AIPL1: variants seen among roughly 807,000 people sequenced by gnomAD.
AIPL1 encodes AIP like 1 HSP90 co-chaperone.
AIPL1 carries 23 observed loss-of-function variants against 32.9 expected under a neutral mutation model. That is an observed-to-expected ratio of 0.70 (90% CI 0.50 to 0.99). AIPL1 has a LOEUF of 0.99. Among genes scored for constraint, AIPL1 ranks in the 50% least tolerant of loss-of-function variants. AIPL1 has a pLI of 0.00. For synonymous variants in AIPL1, 210 were observed against 209.4 expected, an observed-to-expected ratio of 1.00 and a Z score of -0.02; for missense variants, 485 against 506.0, an observed-to-expected ratio of 0.96 and a Z score of 0.40.
chr17:6,433,175 T>C (rs1016174642), intron 2 of AIPL1, among the ~76,000 whole-genome samples: 1 of 152,166 alleles, frequency 6.6e-6, no homozygotes, highest in African/African-American at 2.4e-5. Context: ...AGCTAACTTA[T>C]AGGAGTAATT....
intron 2 of AIPL1, among the ~76,000 whole-genome samples, chr17:6,432,106 C>T (rs532935799): frequency 2.2e-4 from 33 of 152,180 alleles, no homozygotes; most frequent in African/African-American, 4.8e-4. Context: ...AGAAGGAGGC[C>T]GAGCGTGGTG....
intron 5 of AIPL1, 162 bp from the exon 6 acceptor site, chr17:6,425,992 T>A: frequency 9.2e-7 from 1 of 1,090,928 alleles, no homozygotes; most frequent in Non-Finnish European, 1.3e-6. Flanking sequence ...AAGATGGAGA[T>A]GATGATCATA....
intron 1 of AIPL1, among the ~76,000 whole-genome samples, 197 bp from the exon 2 acceptor site, chr17:6,434,295 C>T (rs917211701): frequency 1.5e-4 from 23 of 151,882 alleles, no homozygotes; most frequent in Non-Finnish European, 4.4e-5. Context: ...TCCCTACAGA[C>T]CCCATTCCAC....
At chr17:6,430,779 GAT>G (rs1912524222) in intron 2 of AIPL1, among the ~76,000 whole-genome samples, 1 of 152,120 alleles carries the variant, frequency 6.6e-6, no homozygotes, top group African/African-American at 2.4e-5. Context: ...AAAGTCAATA[GAT>G]ATATTTTTAA....
chr17:6,434,785 TC>T (rs1913007121), intron 1 of AIPL1, among the ~76,000 whole-genome samples: 1 of 152,250 alleles, frequency 6.6e-6, no homozygotes, highest in Non-Finnish European at 1.5e-5. Flanking sequence ...CCCAGAAAAT[TC>T]CCAAAAGCCC....
intron 5 of AIPL1, 131 bp downstream of exon 5, chr17:6,426,484 A>G (rs2150676410): frequency 6.6e-7 from 1 of 1,514,852 alleles, no homozygotes; most frequent in East Asian, 2.5e-5. Flanking sequence ...ACTCGGGGAA[A>G]CCCGGCTGGG....
chr17:6,425,958 C>T (rs1016016125), intron 5 of AIPL1, 128 bp from the exon 6 acceptor site: 2 of 1,303,288 alleles, frequency 1.5e-6, no homozygotes, highest in Non-Finnish European at 2.1e-6. Flanking sequence ...TCTGTATCCC[C>T]CATCCCTCGG....
intron 2 of AIPL1, 42 bp downstream of exon 2, chr17:6,433,877 A>G (rs1912878100): frequency 6.2e-7 from 1 of 1,605,266 alleles, no homozygotes; most frequent in South Asian, 1.1e-5. Flanking sequence ...GTGAGCCCAG[A>G]AAAGACTAGT....
intron 2 of AIPL1, among the ~76,000 whole-genome samples, chr17:6,430,953 A>T (rs184929159): frequency 1.3e-5 from 2 of 151,910 alleles, no homozygotes; most frequent in Admixed American, 1.3e-4. Flanking sequence ...AATGGATAAC[A>T]TGTTGAGTGG....
Position 6,425,043 on chromosome 17 carries a change from A to T in AIPL1, c.*417T>A, listed in dbSNP as rs1291751640. The T allele has an allele frequency of 6.2e-6, 1 of 162,076 alleles. No individual in the cohort carries two copies. The highest frequency in any genetic ancestry group is 2.4e-5 in the African/African-American group (1 of 41,642). The allele number at this position is 162,076 out of a possible 1,614,324, so 10.0% of individuals were successfully genotyped here. A position where few individuals can be genotyped will look rare whatever the true frequency, so the allele number is the denominator to read the frequency against. ...TGTCCTGCGTAAAGTTACAAAAATC[A>T]CCGAGATGACCCCCAAATGTAACTA... On this transcript the variant is annotated 3_prime_UTR_variant, in exon 6 of 6. Transcript: ENST00000381129.
intron 2 of AIPL1, 123 bp from the exon 3 acceptor site, chr17:6,428,629 T>G (rs1912252738): frequency 2.4e-6 from 2 of 843,770 alleles, no homozygotes; most frequent in Non-Finnish European, 3.9e-6. Context: ...CCACTCATAC[T>G]AACTGTGGTT....
At chr17:6,425,923 C>G in intron 5 of AIPL1, 93 bp from the exon 6 acceptor site, 4 of 1,486,580 alleles carry the variant, frequency 2.7e-6, no homozygotes, top group Non-Finnish European at 3.6e-6. Context: ...CCAAGACCCT[C>G]AGCCCCGCCA....
chr17:6,433,695 G>A (rs550721002), intron 2 of AIPL1, among the ~76,000 whole-genome samples: 7 of 150,976 alleles, frequency 4.6e-5, no homozygotes, highest in South Asian at 2.1e-4. Flanking sequence ...ACTCCTGCTG[G>A]TCATAGCCCT....
intron 2 of AIPL1, among the ~76,000 whole-genome samples, chr17:6,431,881 G>A (rs1053134350): frequency 6.6e-6 from 1 of 152,194 alleles, no homozygotes; most frequent in Non-Finnish European, 1.5e-5. Context: ...TACATCCATG[G>A]CAGACTTTTG....
intron 5 of AIPL1, chr17:6,426,190 C>T: frequency 7.8e-7 from 1 of 1,280,070 alleles, no homozygotes; most frequent in Admixed American, 3.7e-5. Flanking sequence ...ACGACGTGTG[C>T]CTGATGCATG....
Position 6,425,272 on chromosome 17 carries a change from C to T in AIPL1, c.*188G>A, listed in dbSNP as rs1317185. Reference sequence around the variant, plus strand: ...ATGAGAGGGGTAGAGGAGAAAACTACTTTTATTCATAAGCTCTTCTGTACC... The same window carrying T: ...ATGAGAGGGGTAGAGGAGAAAACTATTTTTATTCATAAGCTCTTCTGTACC... On this transcript the variant is annotated 3_prime_UTR_variant, in exon 6 of 6. Coordinates refer to ENST00000381129, the MANE Select transcript of AIPL1 (RefSeq NM_014336.5). 2.1e-3 allele frequency: 1,514 copies of T among 707,148 alleles called. 19 individuals are homozygous for T. The African/African-American group carries it at 0.025, about 11-fold the overall frequency. The allele number at this position is 707,148 out of a possible 1,614,324, so 43.8% of individuals were successfully genotyped here. A position where few individuals can be genotyped will look rare whatever the true frequency, so the allele number is the denominator to read the frequency against.
intron 5 of AIPL1, chr17:6,426,357 G>A (rs1911952216): frequency 2.1e-6 from 3 of 1,411,746 alleles, no homozygotes; most frequent in Admixed American, 5.8e-5. Flanking sequence ...CCTGTTTACC[G>A]TTCCGCTGAA....
chr17:6,426,278 C>T lies in AIPL1; in HGVS notation c.784+337G>A, dbSNP rs1911941804. 3 of 1,320,450 alleles carry T rather than the reference C, an allele frequency of 2.3e-6. No individual in the cohort carries two copies. The African/African-American group carries it at 4.5e-5, about 20-fold the overall frequency. The allele number at this position is 1,320,450 out of a possible 1,614,324, so 81.8% of individuals were successfully genotyped here. A position where few individuals can be genotyped will look rare whatever the true frequency, so the allele number is the denominator to read the frequency against. On this transcript the variant is annotated intron_variant, in intron 5 of 5. Transcript: ENST00000381129. ...ACTAGTACTGACGGTGCCATATCCT[C>T]GCAACACCAGTACTAGTACCGACAT...
chr17:6,432,243 C>T (rs1159241983), intron 2 of AIPL1, among the ~76,000 whole-genome samples: 2 of 151,918 alleles, frequency 1.3e-5, no homozygotes, highest in African/African-American at 2.4e-5. Flanking sequence ...ATTACCCAGG[C>T]GTGGTGGCGG....
Sources: gnomAD v4.1 joint callset for allele counts (sites outside exome capture counted in the v4.1 genomes callset) on GRCh38, gnomAD v4.1.1 for gene constraint, MANE v1.5 for transcripts, NCBI Gene and HGNC (gene_info 2026-07-23, HGNC 2026-07-21) for gene names.